Variants in GALNTL6 observed in about 807,000 individuals in gnomAD.
The protein encoded by GALNTL6 is polypeptide N-acetylgalactosaminyltransferase like 6.
A neutral mutation model predicts 73.7 loss-of-function variants in GALNTL6; 46 were observed. That is an observed-to-expected ratio of 0.62 (90% CI 0.49 to 0.80). GALNTL6 has a LOEUF of 0.80. Among genes scored for constraint, GALNTL6 ranks in the 30% least tolerant of loss-of-function variants. GALNTL6 has a pLI of 0.00. For synonymous variants in GALNTL6, 259 were observed against 263.7 expected, an observed-to-expected ratio of 0.98 and a Z score of 0.17; for missense variants, 604 against 755.0, an observed-to-expected ratio of 0.80 and a Z score of 2.34.
chr4:172,828,895 CT>C (rs1354288517), intron 7 of GALNTL6, among the ~76,000 whole-genome samples: 1 of 152,280 alleles, frequency 6.6e-6, no homozygotes, highest in East Asian at 1.9e-4. Context: ...AACTGAGAGG[CT>C]TGAAGTAAGT....
intron 2 of GALNTL6, among the ~76,000 whole-genome samples, chr4:171,954,686 G>A (rs576478546): frequency 6.7e-4 from 102 of 152,256 alleles, no homozygotes; most frequent in African/African-American, 2.4e-3. Context: ...GATATGGTTT[G>A]GATTTGGGTC....
intron 2 of GALNTL6, among the ~76,000 whole-genome samples, chr4:171,949,472 G>T (rs536539070): frequency 1.3e-5 from 2 of 152,178 alleles, no homozygotes; most frequent in South Asian, 4.2e-4. Context: ...AAACTTTTTT[G>T]ATTATGCTTA....
At position 172,859,283 on chromosome 4, in the gene GALNTL6, C is replaced by G. The variant is rs149223058; in HGVS notation, c.924-23507C>G. On this transcript the variant is annotated intron_variant, in intron 7 of 12. Transcript: ENST00000506823. ...ATTATTATAGTTTTACCTGGTGTCA[C>G]CCCTGTAATAAATGCATGAAAGGTG... Among the ~76,000 whole-genome samples the G allele has an allele frequency of 2.8e-3, 433 of 152,236 alleles. 2 individuals are homozygous for G. The highest frequency in any genetic ancestry group is 0.01 in the Middle Eastern group (3 of 294).
At position 172,292,485 on chromosome 4, in the gene GALNTL6, G is replaced by T. The variant is rs149151154; in HGVS notation, c.248-19129G>T. On this transcript the variant is annotated intron_variant, in intron 3 of 12. Coordinates refer to ENST00000506823, the MANE Select transcript of GALNTL6 (RefSeq NM_001034845.3). ...ATAATTTCTGTAAAATTGATCTTCA[G>T]TTGTAGTTATAGAAAGATTCAGACA... is the stretch of plus-strand genomic sequence containing the variant. Among the ~76,000 whole-genome samples, 291 of 152,198 alleles carry T rather than the reference G, an allele frequency of 1.9e-3. 2 individuals carry two copies. The highest frequency in any genetic ancestry group is 6.7e-3 in the African/African-American group (277 of 41,558).
At chr4:172,405,019 T>A (rs1489045192) in intron 5 of GALNTL6, among the ~76,000 whole-genome samples, 1 of 152,044 alleles carries the variant, frequency 6.6e-6, no homozygotes, top group Non-Finnish European at 1.5e-5. Flanking sequence ...CTGCAATGAT[T>A]ACATCCTTCA....
intron 5 of GALNTL6, among the ~76,000 whole-genome samples, chr4:172,563,496 T>C (rs1736452034): frequency 2.0e-5 from 3 of 152,238 alleles, no homozygotes; most frequent in African/African-American, 7.2e-5. Context: ...TCCCTCAGGA[T>C]ATTCTGGTTA....
intron 5 of GALNTL6, among the ~76,000 whole-genome samples, chr4:172,563,833 G>T (rs968196853): frequency 1.3e-5 from 2 of 152,188 alleles, no homozygotes; most frequent in Non-Finnish European, 2.9e-5. Context: ...TCCAAATATG[G>T]TTTTTTTAAT....
chr4:172,558,905 A>G (rs1736239968), intron 5 of GALNTL6, among the ~76,000 whole-genome samples: 1 of 152,096 alleles, frequency 6.6e-6, no homozygotes, highest in South Asian at 2.1e-4. Flanking sequence ...TGGGATGGAA[A>G]TGCTTCCAAA....
At chr4:172,727,093 C>G (rs115996378) in intron 5 of GALNTL6, among the ~76,000 whole-genome samples, 2,031 of 152,308 alleles carry the variant, frequency 0.013, 40 homozygotes, top group African/African-American at 0.045. Context: ...GAATATTTTT[C>G]TACCTTAATA....
chr4:172,874,280 C>T (rs1439866917), intron 7 of GALNTL6, among the ~76,000 whole-genome samples: 1 of 152,042 alleles, frequency 6.6e-6, no homozygotes, highest in Non-Finnish European at 1.5e-5. Flanking sequence ...GAGGGGAGAG[C>T]AATGGGAAAG....
chr4:172,459,470 G>A (rs1303076453), intron 5 of GALNTL6, among the ~76,000 whole-genome samples: 1 of 152,144 alleles, frequency 6.6e-6, no homozygotes, highest in Non-Finnish European at 1.5e-5. Flanking sequence ...AAACCCCATT[G>A]TCTCAGCCCA....
chr4:172,627,473 A>G (rs1339993207), intron 5 of GALNTL6, among the ~76,000 whole-genome samples: 2 of 149,980 alleles, frequency 1.3e-5, no homozygotes, highest in Non-Finnish European at 3.0e-5. Flanking sequence ...TATCTTTGCC[A>G]GGTTTTGGTA....
At chr4:172,396,602 C>T (rs1277291734) in intron 5 of GALNTL6, among the ~76,000 whole-genome samples, 1 of 152,156 alleles carries the variant, frequency 6.6e-6, no homozygotes, top group Non-Finnish European at 1.5e-5. Flanking sequence ...AATAAAACCA[C>T]TCACCTGTAC....
chr4:172,606,673 A>AG (rs1304725628), intron 5 of GALNTL6, among the ~76,000 whole-genome samples: 2 of 51,204 alleles, frequency 3.9e-5, no homozygotes, highest in African/African-American at 9.2e-5. Flanking sequence ...CTATATATAT[A>AG]TACTATATAT....
intron 4 of GALNTL6, among the ~76,000 whole-genome samples, chr4:172,311,992 C>T (rs1740380175): frequency 6.6e-6 from 1 of 152,054 alleles, no homozygotes; most frequent in Admixed American, 6.5e-5. Context: ...ACTGTGTTAA[C>T]TCATTAACAT....
At chr4:172,532,344 C>T (rs1404770751) in intron 5 of GALNTL6, among the ~76,000 whole-genome samples, 1 of 152,038 alleles carries the variant, frequency 6.6e-6, no homozygotes, top group Admixed American at 6.6e-5. Context: ...CCAAGGAGTA[C>T]CAAGGATTGC....
At chr4:172,090,333 C>T (rs1167797117) in intron 2 of GALNTL6, among the ~76,000 whole-genome samples, 3 of 152,178 alleles carry the variant, frequency 2.0e-5, no homozygotes, top group African/African-American at 7.2e-5. Flanking sequence ...TAAAAGCGTT[C>T]CTATTTCTCC....
intron 2 of GALNTL6, among the ~76,000 whole-genome samples, chr4:172,164,087 T>C (rs13124037): frequency 0.43 from 64,751 of 151,668 alleles, 14,647 homozygotes; most frequent in African/African-American, 0.57. Flanking sequence ...GGGAGTTGAT[T>C]ATCTGGAGCA....
At chr4:172,352,651 C>T (rs1160678965) in intron 5 of GALNTL6, among the ~76,000 whole-genome samples, 1 of 152,128 alleles carries the variant, frequency 6.6e-6, no homozygotes, top group African/African-American at 2.4e-5. Context: ...GTTCCCTGAA[C>T]TTTGCATGCT....
Sources: gnomAD v4.1 joint callset for allele counts (sites outside exome capture counted in the v4.1 genomes callset) on GRCh38, gnomAD v4.1.1 for gene constraint, MANE v1.5 for transcripts, NCBI Gene and HGNC (gene_info 2026-07-23, HGNC 2026-07-21) for gene names.